UBR3: variants seen among roughly 807,000 people sequenced by gnomAD.
UBR3 encodes the protein ubiquitin protein ligase E3 component n-recognin 3.
In UBR3, 85 loss-of-function variants were observed where a neutral mutation model predicts 243.2. The observed-to-expected ratio is 0.35, with a 90% CI of 0.29 to 0.42. UBR3 has a LOEUF of 0.42. UBR3 is among the 10% of genes least tolerant of loss of function. UBR3 has a pLI of 1.00. For synonymous variants in UBR3, 748 were observed against 799.8 expected, an observed-to-expected ratio of 0.94 and a Z score of 1.09; for missense variants, 1,686 against 2,300.8, an observed-to-expected ratio of 0.73 and a Z score of 5.47.
chr2:170,069,546 T>C (rs529473099), intron 35 of UBR3, among the ~76,000 whole-genome samples: 11 of 152,182 alleles, frequency 7.2e-5, no homozygotes, highest in African/African-American at 2.4e-4. Context: ...CCAGAACTTA[T>C]TCATCTTATA....
chr2:170,039,884 T>G (rs2090922755), intron 31 of UBR3, among the ~76,000 whole-genome samples: 1 of 152,076 alleles, frequency 6.6e-6, no homozygotes, highest in Non-Finnish European at 1.5e-5. Flanking sequence ...TACTTTGTCT[T>G]TTATAGTGTA....
At chr2:169,898,661 T>G in intron 8 of UBR3, among the ~76,000 whole-genome samples, 1 of 148,452 alleles carries the variant, frequency 6.7e-6, no homozygotes, top group Non-Finnish European at 1.5e-5. Flanking sequence ...AAGAATATAC[T>G]TCTTCACCTT....
At chr2:169,950,428 A>G (rs1048846586) in intron 23 of UBR3, among the ~76,000 whole-genome samples, 7 of 152,110 alleles carry the variant, frequency 4.6e-5, no homozygotes, top group Non-Finnish European at 1.0e-4. Flanking sequence ...TCTCAAAATA[A>G]AAATCCAACT....
chr2:170,002,539 T>C (rs940756162), intron 27 of UBR3, among the ~76,000 whole-genome samples: 2 of 152,208 alleles, frequency 1.3e-5, no homozygotes, highest in Non-Finnish European at 2.9e-5. Context: ...CCCTGATAAA[T>C]GAGTCCAACA....
intron 7 of UBR3, among the ~76,000 whole-genome samples, chr2:169,895,754 A>G (rs1239193987): frequency 6.6e-6 from 1 of 152,180 alleles, no homozygotes; most frequent in Non-Finnish European, 1.5e-5. Flanking sequence ...TAAAGAGAGA[A>G]CAGTTATTGA....
intron 10 of UBR3, 103 bp downstream of exon 10, chr2:169,906,267 C>T (rs1468350314): frequency 7.6e-7 from 1 of 1,307,310 alleles, no homozygotes; most frequent in African/African-American, 1.5e-5. Flanking sequence ...AATTTTGTTT[C>T]AAATTGAATT....
chr2:170,037,077 G>A (rs995512365), intron 31 of UBR3, among the ~76,000 whole-genome samples: 3 of 152,074 alleles, frequency 2.0e-5, no homozygotes, highest in African/African-American at 7.2e-5. Context: ...AGTGTTAGGT[G>A]AAGATCTAAA....
intron 30 of UBR3, among the ~76,000 whole-genome samples, chr2:170,022,102 T>C (rs2105416546): frequency 6.6e-6 from 1 of 152,212 alleles, no homozygotes; most frequent in Non-Finnish European, 1.5e-5. Flanking sequence ...CCTCTCTTCC[T>C]AGGACTACCT....
intron 13 of UBR3, among the ~76,000 whole-genome samples, chr2:169,924,477 T>C (rs2085828754): frequency 6.6e-6 from 1 of 152,226 alleles, no homozygotes; most frequent in Non-Finnish European, 1.5e-5. Flanking sequence ...GTGCTACCAC[T>C]GTTTTATTTT....
At chr2:170,064,903 C>G (rs1001545760) in intron 35 of UBR3, among the ~76,000 whole-genome samples, 5 of 147,938 alleles carry the variant, frequency 3.4e-5, no homozygotes, top group African/African-American at 1.3e-4. Context: ...AGTGCAGTGG[C>G]GCGGTCTCGG....
intron 1 of UBR3, among the ~76,000 whole-genome samples, chr2:169,842,454 C>G (rs531275225): frequency 6.6e-6 from 1 of 152,006 alleles, no homozygotes; most frequent in South Asian, 2.1e-4. Flanking sequence ...GCAACCCTCT[C>G]GGGTCCCCTT....
rs369336309 is a variant in UBR3, at chr2:170,068,454, C to T, written c.5020-4974C>T. Among the ~76,000 whole-genome samples, 452 of 151,812 alleles carry T rather than the reference C, an allele frequency of 3.0e-3. 3 individuals carry two copies. Among genetic ancestry groups the T allele is most frequent in the African/African-American group, 0.01 (430 of 41,398 alleles). ...CTACACTCCAGTCTGGGTGACAGAG[C>T]GAGACCCTGTCTCAAAAAAATTAAA... On this transcript the variant is annotated intron_variant, in intron 35 of 38. Transcript: ENST00000272793.
intron 1 of UBR3, 131 bp downstream of exon 1, chr2:169,828,183 G>T (rs2081807608): frequency 8.5e-7 from 1 of 1,178,356 alleles, no homozygotes; most frequent in African/African-American, 1.6e-5. Context: ...AGCCACAGGG[G>T]GATGGAGGTG....
intron 14 of UBR3, 105 bp downstream of exon 14, chr2:169,925,852 C>T: frequency 2.9e-6 from 3 of 1,023,750 alleles, no homozygotes; most frequent in East Asian, 6.1e-5. Flanking sequence ...GAGGCCAATG[C>T]CATTGAAAGA....
intron 1 of UBR3, among the ~76,000 whole-genome samples, chr2:169,858,907 G>A (rs941323408): frequency 6.6e-6 from 1 of 151,934 alleles, no homozygotes; most frequent in Non-Finnish European, 1.5e-5. Flanking sequence ...GCCTCATTTA[G>A]TACTTTAAAT....
At chr2:169,947,498 C>T (rs942737996) in intron 21 of UBR3, 44 bp from the exon 22 acceptor site, 2 of 1,355,746 alleles carry the variant, frequency 1.5e-6, no homozygotes, top group Non-Finnish European at 1.9e-6. Context: ...GTACCTTGGA[C>T]GTGATGTGGC....
At chr2:170,031,970 T>C (rs1477891410) in intron 31 of UBR3, among the ~76,000 whole-genome samples, 1 of 152,176 alleles carries the variant, frequency 6.6e-6, no homozygotes, top group Non-Finnish European at 1.5e-5. Flanking sequence ...TTGTGAATAG[T>C]GCTGTGATGT....
intron 7 of UBR3, 104 bp downstream of exon 7, chr2:169,895,415 A>G (rs895570932): frequency 1.6e-6 from 2 of 1,256,990 alleles, no homozygotes; most frequent in African/African-American, 3.1e-5. Flanking sequence ...TTGATATAAC[A>G]CTATAAACAA....
chr2:169,983,252 C>CTTT (rs72194627), intron 24 of UBR3, among the ~76,000 whole-genome samples: 5 of 71,982 alleles, frequency 6.9e-5, no homozygotes, highest in African/African-American at 2.4e-4. Context: ...ATTCTCTCTC[C>CTTT]TTTTTTTTTT....
Sources: gnomAD v4.1 joint callset for allele counts (sites outside exome capture counted in the v4.1 genomes callset) on GRCh38, gnomAD v4.1.1 for gene constraint, MANE v1.5 for transcripts, NCBI Gene and HGNC (gene_info 2026-07-23, HGNC 2026-07-21) for gene names.